Variants in FLRT2 observed in about 807,000 individuals in gnomAD.
FLRT2 encodes leucine-rich repeat transmembrane protein FLRT2.
Under a neutral mutation model 40.0 loss-of-function variants are expected in FLRT2, and 15 were observed. The ratio of observed to expected loss-of-function variants is 0.38; its 90% CI spans 0.25 to 0.58. The LOEUF (loss-of-function observed/expected upper bound fraction) is 0.58. Ranked by LOEUF, FLRT2 falls within the 20% of genes least tolerant of loss-of-function variation. The probability of loss-of-function intolerance (pLI) is 0.71; values close to 1 mark genes in which losing one functional copy is unlikely to be tolerated. For missense variants in FLRT2, 726 were observed against 840.0 expected, an observed-to-expected ratio of 0.86 and a Z score of 1.68; for synonymous variants, 380 against 336.8, an observed-to-expected ratio of 1.13 and a Z score of -1.41.
chr14:85,589,144 G>A lies in FLRT2; in HGVS notation c.-376-31995G>A, dbSNP rs117558376. On this transcript the variant is annotated intron_variant, in intron 1 of 1. Transcript: ENST00000330753. ...TATATATCCAGTAATGCAATTGCTG[G>A]ATTATATGGTAGCTTAATTTTTAGT... 4.8e-3 allele frequency among the ~76,000 whole-genome samples: 731 copies of A among 152,272 alleles called. 4 individuals carry two copies. The highest frequency in any genetic ancestry group is 0.024 in the Middle Eastern group (7 of 294).
intron 1 of FLRT2, among the ~76,000 whole-genome samples, chr14:85,558,243 G>A (rs538081868): frequency 3.5e-4 from 54 of 152,194 alleles, no homozygotes; most frequent in Middle Eastern, 3.4e-3. Context: ...AAGAGGCAAA[G>A]GGCTCTCATA....
At position 85,642,556 on chromosome 14, in the gene FLRT2, A is replaced by T. The variant is rs1020252646; in HGVS notation, c.*19059A>T. 11 of 136,606 alleles carry T rather than the reference A, an allele frequency of 8.1e-5. No individual in the cohort carries two copies. The highest frequency in any genetic ancestry group is 4.1e-4 in the African/African-American group (11 of 26,800). 8.5% of individuals were successfully genotyped at this position (136,606 alleles called of 1,614,324 possible). A position where few individuals can be genotyped will look rare whatever the true frequency, so the allele number is the denominator to read the frequency against. ...ACTGGGAAGAAAAGGCTAAAATAACAACAAAAAAACGGCAATAGTTTGTTA... is the reference window on the plus strand; with the variant it reads ...ACTGGGAAGAAAAGGCTAAAATAACTACAAAAAAACGGCAATAGTTTGTTA... On this transcript the variant is annotated 3_prime_UTR_variant, in exon 2 of 2. Coordinates refer to ENST00000330753, the MANE Select transcript of FLRT2 (RefSeq NM_013231.6).
intron 1 of FLRT2, among the ~76,000 whole-genome samples, chr14:85,547,325 C>CTTTTT: frequency 7.2e-6 from 1 of 139,336 alleles, no homozygotes; most frequent in East Asian, 2.1e-4. Context: ...TTCTTTCTTT[C>CTTTTT]TTTTTTTTTT....
intron 1 of FLRT2, 104 bp from the exon 2 acceptor site, chr14:85,621,035 A>G (rs1893356620): frequency 6.3e-6 from 1 of 158,670 alleles, no homozygotes; most frequent in African/African-American, 2.4e-5. Context: ...GCCCCTCAAC[A>G]TTTCATCCCA....
chr14:85,643,960 T>A lies in FLRT2; in HGVS notation c.*20463T>A, dbSNP rs549230638. On this transcript the variant is annotated 3_prime_UTR_variant, in exon 2 of 2. Transcript: ENST00000330753. ...TGGATAATTGCTCATTATAGCTTCA[T>A]GAATAATATAGATGTTCAGCCAACT... 2 of 152,190 alleles carry A rather than the reference T, an allele frequency of 1.3e-5. No homozygotes were observed. The highest frequency in any genetic ancestry group is 2.9e-5 in the Non-Finnish European group (2 of 68,042). 9.4% of individuals were successfully genotyped at this position (152,190 alleles called of 1,614,324 possible).
intron 1 of FLRT2, among the ~76,000 whole-genome samples, chr14:85,597,941 G>T (rs1264296035): frequency 6.6e-6 from 1 of 152,132 alleles, no homozygotes; most frequent in Non-Finnish European, 1.5e-5. Context: ...CCCACAAAGT[G>T]GTTTATTTAC....
At position 85,636,953 on chromosome 14, in the gene FLRT2, A is replaced by AG. The variant is rs898481897; in HGVS notation, c.*13456_*13457insG. On this transcript the variant is annotated 3_prime_UTR_variant, in exon 2 of 2. Coordinates refer to ENST00000330753, the MANE Select transcript of FLRT2 (RefSeq NM_013231.6). ...CCAAAAAAAAAAAAAAAAAAAAAAA[A>AG]AGAGAGAGACTAACATTCTAACAGA... 4.7e-5 allele frequency: 7 copies of AG among 150,448 alleles called. No homozygotes were observed. The highest frequency in any genetic ancestry group is 1.2e-4 in the African/African-American group (5 of 41,046). 9.3% of individuals were successfully genotyped at this position (150,448 alleles called of 1,614,324 possible). A position where few individuals can be genotyped will look rare whatever the true frequency, so the allele number is the denominator to read the frequency against.
chr14:85,587,074 C>G (rs143760544), intron 1 of FLRT2, among the ~76,000 whole-genome samples: 1,741 of 152,122 alleles, frequency 0.011, 20 homozygotes, highest in Admixed American at 0.024. Flanking sequence ...GATATTTAGC[C>G]CTTGGCTCTA....
chr14:85,562,184 C>T (rs1343836446), intron 1 of FLRT2, among the ~76,000 whole-genome samples: 5 of 152,280 alleles, frequency 3.3e-5, no homozygotes, highest in African/African-American at 9.6e-5. Context: ...GTAACAATGC[C>T]GTGGAAGGAA....
At chr14:85,614,615 G>A (rs975436026) in intron 1 of FLRT2, among the ~76,000 whole-genome samples, 1 of 152,128 alleles carries the variant, frequency 6.6e-6, no homozygotes, top group Middle Eastern at 3.2e-3. Flanking sequence ...GCCCCACTTG[G>A]GAAAGTTGAC....
chr14:85,640,862 C>G lies in FLRT2; in HGVS notation c.*17365C>G, dbSNP rs1331379632. 1 of 152,192 alleles carries G rather than the reference C, an allele frequency of 6.6e-6. No homozygotes were observed. Among genetic ancestry groups the G allele is most frequent in the Non-Finnish European group, 1.5e-5 (1 of 68,042 alleles). The allele number at this position is 152,192 out of a possible 1,614,324, so 9.4% of individuals were successfully genotyped here. A position where few individuals can be genotyped will look rare whatever the true frequency, so the allele number is the denominator to read the frequency against. ...TCTAAAATACAGATCCTACCTTAGG[C>G]TTTTCGGCTGCACAGCTGAATCGCC... On this transcript the variant is annotated 3_prime_UTR_variant, in exon 2 of 2. Coordinates refer to ENST00000330753, the MANE Select transcript of FLRT2 (RefSeq NM_013231.6).
chr14:85,589,386 T>C (rs1891781691), intron 1 of FLRT2, among the ~76,000 whole-genome samples: 1 of 152,236 alleles, frequency 6.6e-6, no homozygotes, highest in South Asian at 2.1e-4. Context: ...CCTTTTCATA[T>C]GCCTGATTGC....
rs1893930534 is a variant in FLRT2, at chr14:85,633,418, G to A, written c.*9921G>A. 6.6e-6 allele frequency: 1 copy of A among 152,114 alleles called. No individual in the cohort carries two copies. The highest frequency in any genetic ancestry group is 6.5e-5 in the Admixed American group (1 of 15,274). The allele number at this position is 152,114 out of a possible 1,614,324, so 9.4% of individuals were successfully genotyped here. A position where few individuals can be genotyped will look rare whatever the true frequency, so the allele number is the denominator to read the frequency against. On this transcript the variant is annotated 3_prime_UTR_variant, in exon 2 of 2. Transcript: ENST00000330753. ...TAGAGTACACATAGATGTAGTTATT[G>A]CTGAAAATTAATTCAGAATATGTGG...
intron 1 of FLRT2, among the ~76,000 whole-genome samples, chr14:85,563,364 A>G (rs951567790): frequency 9.8e-5 from 15 of 152,288 alleles, no homozygotes; most frequent in African/African-American, 3.6e-4. Flanking sequence ...ACCTTGTGTT[A>G]GTTTGTTCTC....
At chr14:85,580,148 A>T (rs1430888028) in intron 1 of FLRT2, among the ~76,000 whole-genome samples, 1 of 151,950 alleles carries the variant, frequency 6.6e-6, no homozygotes, top group African/African-American at 2.4e-5. Flanking sequence ...CCTTTTTTAC[A>T]TAAGCTTTGG....
chr14:85,602,640 C>T (rs1254676324), intron 1 of FLRT2, among the ~76,000 whole-genome samples: 2 of 151,744 alleles, frequency 1.3e-5, no homozygotes, highest in Non-Finnish European at 2.9e-5. Flanking sequence ...AAAGAGTGGG[C>T]GTAATTTTGC....
rs189283078 is a variant in FLRT2 at position 85,535,155 on chromosome 14, C to G, written c.-377+4621C>G. Reference sequence around the variant, plus strand: ...ATGGGAGCTATTGCTCCCCACTCAGCTGGGAGGCTCTTTAATCACACAGGG... The same window carrying G: ...ATGGGAGCTATTGCTCCCCACTCAGGTGGGAGGCTCTTTAATCACACAGGG... On this transcript the variant is annotated intron_variant, in intron 1 of 1. Transcript: ENST00000330753. 2.9e-3 allele frequency among the ~76,000 whole-genome samples: 445 copies of G among 152,296 alleles called. 1 individual carries two copies. The highest frequency in any genetic ancestry group is 3.9e-3 in the Non-Finnish European group (263 of 68,024).
At position 85,621,113 on chromosome 14, in the gene FLRT2, A is replaced by G. The variant is rs372191266; in HGVS notation, c.-376-26A>G. 46 of 201,518 alleles carry G rather than the reference A, an allele frequency of 2.3e-4. No individual in the cohort carries two copies. In the South Asian group the frequency reaches 5.5e-3, roughly 24 times the overall value. The allele number at this position is 201,518 out of a possible 1,614,324, so 12.5% of individuals were successfully genotyped here. ...CTTTCATTACTGCCTTTAACTGACC[A>G]TTTCCTCTTTTCTTTCCTGCAACAG... On this transcript the variant is annotated intron_variant, in intron 1 of 1. Coordinates refer to ENST00000330753, the MANE Select transcript of FLRT2 (RefSeq NM_013231.6).
chr14:85,583,693 A>ATAAC (rs1891489962), intron 1 of FLRT2, among the ~76,000 whole-genome samples: 1 of 152,206 alleles, frequency 6.6e-6, no homozygotes, highest in Non-Finnish European at 1.5e-5. Context: ...TTTACTTTAC[A>ATAAC]TAACGTGGAG....
Sources: gnomAD v4.1 joint callset for allele counts (sites outside exome capture counted in the v4.1 genomes callset) on GRCh38, gnomAD v4.1.1 for gene constraint, MANE v1.5 for transcripts, NCBI Gene and HGNC (gene_info 2026-07-23, HGNC 2026-07-21) for gene names.